The following STAG1 variants were observed in gnomAD, a reference collection of about 807,000 sequenced individuals.
STAG1 encodes STAG1 cohesin complex component, also known as cohesin subunit SA-1.
In STAG1, 26 loss-of-function variants were observed where a neutral mutation model predicts 170.9. The ratio of observed to expected loss-of-function variants is 0.15; its 90% CI spans 0.11 to 0.21. The LOEUF is 0.21. Ranked by LOEUF, STAG1 falls within the 10% of genes least tolerant of loss-of-function variation. STAG1 has a pLI of 1.00. For synonymous variants in STAG1, 514 were observed against 497.7 expected (o/e 1.03, Z -0.44); for missense variants, 964 against 1,509.5 (o/e 0.64, Z 5.99).
chr3:136,493,550 G>A (rs1455958839), intron 9 of STAG1, among the ~76,000 whole-genome samples: 1 of 151,506 alleles, frequency 6.6e-6, no homozygotes, highest in Non-Finnish European at 1.5e-5. Flanking sequence ...AACTACTCAG[G>A]GGGCTGAGGC....
At chr3:136,568,660 C>G (rs1347107827) in intron 5 of STAG1, 105 bp downstream of exon 5, 7 of 759,472 alleles carry the variant, frequency 9.2e-6, no homozygotes, top group Non-Finnish European at 1.6e-5. Context: ...AGCAGATAAT[C>G]TTTAATTTTA....
intron 5 of STAG1, among the ~76,000 whole-genome samples, chr3:136,560,822 T>C (rs761015282): frequency 6.6e-6 from 1 of 152,220 alleles, no homozygotes; most frequent in Non-Finnish European, 1.5e-5. Context: ...ATAGGGATAC[T>C]GGAGCCAATG....
intron 1 of STAG1, among the ~76,000 whole-genome samples, chr3:136,682,452 T>C (rs1054007380): frequency 1.3e-5 from 2 of 148,882 alleles, no homozygotes; most frequent in African/African-American, 4.9e-5. Flanking sequence ...ATAAAATATA[T>C]ATATATATAT....
chr3:136,477,526 C>G (rs2089783140), intron 9 of STAG1, 114 bp from the exon 10 acceptor site: 1 of 912,374 alleles, frequency 1.1e-6, no homozygotes, highest in Non-Finnish European at 1.5e-6. Flanking sequence ...TATTTGCATT[C>G]TGAATGGCCT....
At chr3:136,621,961 T>A (rs1347533570) in intron 3 of STAG1, among the ~76,000 whole-genome samples, 1 of 144,592 alleles carries the variant, frequency 6.9e-6, no homozygotes, top group Non-Finnish European at 1.5e-5. Flanking sequence ...TATTTTATAC[T>A]GGGACTTCAC....
At chr3:136,501,503 G>C (rs926086691) in intron 8 of STAG1, among the ~76,000 whole-genome samples, 3 of 152,178 alleles carry the variant, frequency 2.0e-5, no homozygotes, top group Non-Finnish European at 2.9e-5. Flanking sequence ...GTCATGCAAA[G>C]ATTGGAATTA....
intron 1 of STAG1, among the ~76,000 whole-genome samples, chr3:136,648,786 T>A (rs940747016): frequency 1.3e-5 from 2 of 152,202 alleles, no homozygotes; most frequent in African/African-American, 4.8e-5. Flanking sequence ...AATCTTATAC[T>A]GTCCTAATAA....
At chr3:136,620,293 T>A (rs931477024) in intron 3 of STAG1, among the ~76,000 whole-genome samples, 1 of 152,180 alleles carries the variant, frequency 6.6e-6, no homozygotes, top group African/African-American at 2.4e-5. Context: ...CAGTTAAAAC[T>A]TGATTTATTG....
intron 1 of STAG1, chr3:136,736,478 T>C (rs1210078298): frequency 3.1e-5 from 41 of 1,320,236 alleles, no homozygotes; most frequent in Non-Finnish European, 4.4e-5. Context: ...GTTCTGTGCC[T>C]GTGACCCCGG....
At chr3:136,527,814 T>A (rs887761945) in intron 6 of STAG1, among the ~76,000 whole-genome samples, 1 of 152,206 alleles carries the variant, frequency 6.6e-6, no homozygotes, top group African/African-American at 2.4e-5. Flanking sequence ...GTCAAGACCC[T>A]CAGCTGCAGG....
At chr3:136,576,479 A>C (rs1213229009) in intron 4 of STAG1, among the ~76,000 whole-genome samples, 1 of 152,224 alleles carries the variant, frequency 6.6e-6, no homozygotes, top group Admixed American at 6.5e-5. Context: ...CATTCATATG[A>C]CAAAAAATGA....
At chr3:136,392,067 T>A (rs907075463) in intron 22 of STAG1, among the ~76,000 whole-genome samples, 1 of 152,028 alleles carries the variant, frequency 6.6e-6, no homozygotes, top group Non-Finnish European at 1.5e-5. Context: ...TTTATGACAA[T>A]AGAAAAGAAA....
At chr3:136,369,007 AG>A in intron 24 of STAG1, 100 bp downstream of exon 24, 1 of 1,183,340 alleles carries the variant, frequency 8.5e-7, no homozygotes, top group Non-Finnish European at 1.1e-6. Context: ...TTTAAAAGAA[AG>A]AAATCTCGAT....
intron 16 of STAG1, among the ~76,000 whole-genome samples, chr3:136,427,177 C>T (rs1303167658): frequency 6.7e-6 from 1 of 150,196 alleles, no homozygotes; most frequent in African/African-American, 2.5e-5. Flanking sequence ...TGAAGTGAGC[C>T]GAGATCACAC....
intron 16 of STAG1, among the ~76,000 whole-genome samples, chr3:136,428,667 A>G (rs1345972168): frequency 1.3e-5 from 2 of 152,216 alleles, no homozygotes; most frequent in Admixed American, 6.5e-5. Context: ...TTCTAAAGCC[A>G]TCAAGCCCCC....
chr3:136,631,828 CCGGA>C (rs1477852125), intron 1 of STAG1, among the ~76,000 whole-genome samples: 1 of 152,024 alleles, frequency 6.6e-6, no homozygotes, highest in Non-Finnish European at 1.5e-5. Context: ...AGTTACAATT[CCGGA>C]CAGAAAGACA....
chr3:136,681,610 A>G (rs755193815), intron 1 of STAG1, among the ~76,000 whole-genome samples: 6 of 152,238 alleles, frequency 3.9e-5, no homozygotes, highest in Non-Finnish European at 5.9e-5. Context: ...TTTAAAAAAG[A>G]TAACTTCATT....
chr3:136,443,636 C>T lies in STAG1; in HGVS notation c.1429-232G>A, dbSNP rs564719613. Among the ~76,000 whole-genome samples the T allele has an allele frequency of 1.6e-3, 243 of 152,184 alleles. 1 individual carries two copies. The highest frequency in any genetic ancestry group is 2.8e-3 in the Non-Finnish European group (188 of 68,008). On this transcript the variant is annotated intron_variant, in intron 14 of 33. Coordinates refer to ENST00000383202, the MANE Select transcript of STAG1 (RefSeq NM_005862.3). Reference sequence around the variant, plus strand: ...TAGTAAAAGTAAGGATCTCCTAGTCCAATGACATCATTTATAGATGAGGAA... The same window carrying T: ...TAGTAAAAGTAAGGATCTCCTAGTCTAATGACATCATTTATAGATGAGGAA...
intron 16 of STAG1, among the ~76,000 whole-genome samples, chr3:136,429,626 A>C (rs1576457663): frequency 6.6e-6 from 1 of 152,220 alleles, no homozygotes; most frequent in Non-Finnish European, 1.5e-5. Context: ...AATTAAAGCA[A>C]ATAGTGGAAG....
Sources: allele counts gnomAD v4.1 joint callset (sites outside exome capture counted in the v4.1 genomes callset), GRCh38; gene constraint gnomAD v4.1.1; transcripts MANE v1.5; gene names NCBI Gene and HGNC (gene_info 2026-07-23, HGNC 2026-07-21).